CMSS1: variants seen among roughly 807,000 people sequenced by gnomAD.
The protein encoded by CMSS1 is protein CMSS1.
Under a neutral mutation model 43.5 loss-of-function variants are expected in CMSS1, and 33 were observed. The ratio of observed to expected loss-of-function variants is 0.76; its 90% CI spans 0.57 to 1.01. CMSS1 has a LOEUF of 1.01. Among genes scored for constraint, CMSS1 ranks in the 50% least tolerant of loss-of-function variants. CMSS1 has a pLI of 0.00. For synonymous variants in CMSS1, 115 were observed against 117.2 expected, an observed-to-expected ratio of 0.98 and a Z score of 0.12; for missense variants, 313 against 326.4, an observed-to-expected ratio of 0.96 and a Z score of 0.32.
At chr3:99,993,912 C>G (rs564044232) in intron 1 of CMSS1, among the ~76,000 whole-genome samples, 1 of 152,160 alleles carries the variant, frequency 6.6e-6, no homozygotes, top group African/African-American at 2.4e-5. Context: ...CTATGTTAAT[C>G]AGGGATATTG....
intron 1 of CMSS1, among the ~76,000 whole-genome samples, chr3:100,003,666 A>G (rs1709906858): frequency 6.9e-6 from 1 of 145,970 alleles, no homozygotes; most frequent in Non-Finnish European, 1.5e-5. Flanking sequence ...TTGCAAGAAA[A>G]CTCTCCAGTT....
chr3:100,122,196 A>G (rs547581309), intron 1 of CMSS1, among the ~76,000 whole-genome samples: 1 of 152,248 alleles, frequency 6.6e-6, no homozygotes, highest in Admixed American at 6.5e-5. Context: ...ACTGCTGTTC[A>G]TGCTGTGTAC....
Position 99,917,187 on chromosome 3 carries a change from T to G in CMSS1, c.64+99144T>G, listed in dbSNP as rs551669200. On this transcript the variant is annotated intron_variant, in intron 1 of 9. Coordinates refer to ENST00000421999, the MANE Select transcript of CMSS1 (RefSeq NM_032359.4). The stretch of plus-strand genomic sequence containing the variant: ...TATGTCCTGCATTCTCCTAGGGCTG[T>G]GCTGGCTGTTGGATAATTACTGTGT... Among the ~76,000 whole-genome samples, 10 of 152,324 alleles carry G rather than the reference T, an allele frequency of 6.6e-5. No homozygotes were observed. In the South Asian group the frequency reaches 1.9e-3, roughly 28 times the overall value.
At chr3:99,843,814 C>T (rs1943240226) in intron 1 of CMSS1, among the ~76,000 whole-genome samples, 1 of 152,194 alleles carries the variant, frequency 6.6e-6, no homozygotes, top group Non-Finnish European at 1.5e-5. Flanking sequence ...GGCAGGCAAG[C>T]GAGCATTACT....
At chr3:99,927,096 TC>T (rs1707316730) in intron 1 of CMSS1, among the ~76,000 whole-genome samples, 1 of 152,212 alleles carries the variant, frequency 6.6e-6, no homozygotes, top group African/African-American at 2.4e-5. Flanking sequence ...ACACTGGACT[TC>T]AGGCAGTTCT....
At chr3:99,904,498 T>G (rs764612747) in intron 1 of CMSS1, among the ~76,000 whole-genome samples, 10 of 152,358 alleles carry the variant, frequency 6.6e-5, no homozygotes, top group South Asian at 2.1e-4. Flanking sequence ...GAATAGGATA[T>G]TCCATTAAAA....
chr3:100,113,839 A>C (rs1248771174), intron 1 of CMSS1, among the ~76,000 whole-genome samples: 1 of 152,184 alleles, frequency 6.6e-6, no homozygotes, highest in Non-Finnish European at 1.5e-5. Flanking sequence ...AAACTTACCT[A>C]CTGTCAGGAT....
At chr3:99,913,541 G>A (rs1428488971) in intron 1 of CMSS1, among the ~76,000 whole-genome samples, 1 of 152,142 alleles carries the variant, frequency 6.6e-6, no homozygotes, top group African/African-American at 2.4e-5. Context: ...AGCTCATAAG[G>A]TGGCCTGGCT....
chr3:99,937,184 C>A (rs141582317), intron 1 of CMSS1, among the ~76,000 whole-genome samples: 2 of 151,774 alleles, frequency 1.3e-5, no homozygotes, highest in Non-Finnish European at 2.9e-5. Flanking sequence ...GTGATCCACC[C>A]GCCTCAGCCT....
At chr3:100,018,015 G>T (rs1669735573) in intron 1 of CMSS1, among the ~76,000 whole-genome samples, 1 of 152,028 alleles carries the variant, frequency 6.6e-6, no homozygotes, top group Non-Finnish European at 1.5e-5. Context: ...TTTTTAAGTT[G>T]TGCACAGTGA....
At position 100,172,407 on chromosome 3, in the gene CMSS1, T is replaced by C. The variant is rs1160186305; in HGVS notation, c.667+4T>C. ...ATTAAAGAACTTGTTAAACAAGGTATGACAAGAGGGCAGTGATACTCTTGC... is the reference window on the plus strand; with the variant it reads ...ATTAAAGAACTTGTTAAACAAGGTACGACAAGAGGGCAGTGATACTCTTGC... On this transcript the variant is annotated splice_donor_region_variant and intron_variant, in intron 8 of 9. Transcript: ENST00000421999. 6.2e-7 allele frequency: 1 copy of C among 1,610,616 alleles called. No individual in the cohort carries two copies. Among genetic ancestry groups the C allele is most frequent in the South Asian group, 1.1e-5 (1 of 90,982 alleles).
intron 1 of CMSS1, among the ~76,000 whole-genome samples, chr3:100,076,786 A>G (rs1428055148): frequency 2.0e-5 from 3 of 152,330 alleles, no homozygotes; most frequent in East Asian, 3.9e-4. Context: ...TTTCCAGGTC[A>G]TTAATAAAGT....
intron 2 of CMSS1, among the ~76,000 whole-genome samples, chr3:100,155,109 T>G (rs987288831): frequency 1.3e-5 from 2 of 152,252 alleles, no homozygotes; most frequent in African/African-American, 4.8e-5. Context: ...CTTATCGATT[T>G]CTGACATAAT....
At chr3:100,012,773 T>C (rs1710196378) in intron 1 of CMSS1, among the ~76,000 whole-genome samples, 1 of 145,384 alleles carries the variant, frequency 6.9e-6, no homozygotes, top group South Asian at 2.3e-4. Flanking sequence ...TTTTTTTTTT[T>C]TTTTTTGGGT....
At chr3:100,009,641 A>G (rs1239768790) in intron 1 of CMSS1, among the ~76,000 whole-genome samples, 2 of 152,208 alleles carry the variant, frequency 1.3e-5, no homozygotes, top group African/African-American at 2.4e-5. Flanking sequence ...CAAACAGCCA[A>G]AACATCTAAG....
At chr3:99,914,841 A>G (rs918500017) in intron 1 of CMSS1, among the ~76,000 whole-genome samples, 1 of 152,234 alleles carries the variant, frequency 6.6e-6, no homozygotes, top group African/African-American at 2.4e-5. Context: ...TTGCTAAATA[A>G]GTTGTGATGC....
intron 1 of CMSS1, among the ~76,000 whole-genome samples, chr3:99,906,355 T>C (rs1207877345): frequency 6.6e-6 from 1 of 152,222 alleles, no homozygotes; most frequent in Non-Finnish European, 1.5e-5. Flanking sequence ...CTGTTTCTTT[T>C]ATATTGGGTT....
At chr3:100,045,304 G>A (rs904572236) in intron 1 of CMSS1, among the ~76,000 whole-genome samples, 1 of 152,102 alleles carries the variant, frequency 6.6e-6, no homozygotes, top group East Asian at 1.9e-4. Context: ...CTCAATATAT[G>A]GTAATTGCCA....
intron 1 of CMSS1, among the ~76,000 whole-genome samples, chr3:100,017,824 C>T (rs1183604952): frequency 3.9e-5 from 6 of 152,138 alleles, no homozygotes; most frequent in Admixed American, 3.9e-4. Context: ...GTTTTCAGGT[C>T]TTCAGATCCA....
Sources: gnomAD v4.1 joint callset for allele counts (sites outside exome capture counted in the v4.1 genomes callset) on GRCh38, gnomAD v4.1.1 for gene constraint, MANE v1.5 for transcripts, NCBI Gene and HGNC (gene_info 2026-07-23, HGNC 2026-07-21) for gene names.